Variants in TRIM44 observed in about 807,000 individuals in gnomAD.
The protein encoded by TRIM44 is tripartite motif containing 44.
Under a neutral mutation model 37.4 loss-of-function variants are expected in TRIM44, and 13 were observed. The ratio of observed to expected loss-of-function variants is 0.35; its 90% confidence interval spans 0.23 to 0.55. The LOEUF (loss-of-function observed/expected upper bound fraction) is 0.55, where lower values mean the gene tolerates loss of function less well. Among genes scored for constraint, TRIM44 ranks in the 20% least tolerant of loss-of-function variants. TRIM44 has a pLI of 0.89. For missense variants in TRIM44, 426 were observed against 437.2 expected, an observed-to-expected ratio of 0.97 and a Z score of 0.23; for synonymous variants, 175 against 157.2, an observed-to-expected ratio of 1.11 and a Z score of -0.85.
chr11:35,680,915 GT>G (rs1235486180), intron 1 of TRIM44, among the ~76,000 whole-genome samples: 2 of 151,594 alleles, frequency 1.3e-5, no homozygotes, highest in African/African-American at 4.9e-5. Context: ...TTAAGACAGG[GT>G]CTCGTTTGTT....
chr11:35,667,311 A>T (rs1851343254), intron 1 of TRIM44, among the ~76,000 whole-genome samples: 1 of 152,208 alleles, frequency 6.6e-6, no homozygotes, highest in African/African-American at 2.4e-5. Context: ...TCAGTGATAC[A>T]TTCATATACC....
intron 1 of TRIM44, among the ~76,000 whole-genome samples, chr11:35,675,392 C>G (rs1436127736): frequency 6.6e-6 from 1 of 152,162 alleles, no homozygotes; most frequent in Admixed American, 6.5e-5. Context: ...TGTAGGCAGT[C>G]TAAGGTTGGC....
At position 35,708,864 on chromosome 11, in the gene TRIM44, A is replaced by T. The variant is rs74826584; in HGVS notation, c.748-17060A>T. Among the ~76,000 whole-genome samples, 2,107 of 152,188 alleles carry T rather than the reference A, an allele frequency of 0.014. 118 individuals are homozygous for T. In the East Asian group the frequency reaches 0.14, roughly 10 times the overall value. ...CAGCATGGCACATGTATACAACTGT[A>T]ACTAACCTGCACATTGTGCACATGT... On this transcript the variant is annotated intron_variant, in intron 2 of 4. Transcript: ENST00000299413.
chr11:35,708,806 A>T (rs1851925536), intron 2 of TRIM44, among the ~76,000 whole-genome samples: 1 of 152,064 alleles, frequency 6.6e-6, no homozygotes, highest in Non-Finnish European at 1.5e-5. Flanking sequence ...GATATACCTA[A>T]TGCTAAATGA....
intron 4 of TRIM44, among the ~76,000 whole-genome samples, chr11:35,786,424 CTTCTT>C (rs1165078213): frequency 2.6e-5 from 4 of 152,184 alleles, no homozygotes; most frequent in South Asian, 2.1e-4. Flanking sequence ...TAGGTTGACT[CTTCTT>C]TTAACCAGGT....
At chr11:35,775,604 G>A (rs901580057) in intron 4 of TRIM44, among the ~76,000 whole-genome samples, 1 of 152,158 alleles carries the variant, frequency 6.6e-6, no homozygotes, top group East Asian at 1.9e-4. Flanking sequence ...TTGGCTGTGG[G>A]TTTGTGATAA....
At position 35,796,851 on chromosome 11, in the gene TRIM44, C is replaced by T. The variant is rs369638822; in HGVS notation, c.1008-9507C>T. ...AAGAGATGGAACAGATAGACCCATACATGCATATATATGCACACACTGTAT... is the reference window on the plus strand; with the variant it reads ...AAGAGATGGAACAGATAGACCCATATATGCATATATATGCACACACTGTAT... On this transcript the variant is annotated intron_variant, in intron 4 of 4. Transcript: ENST00000299413. Among the ~76,000 whole-genome samples the T allele has an allele frequency of 2.0e-5, 3 of 152,342 alleles. No homozygotes were observed. The East Asian group carries it at 5.8e-4, about 29-fold the overall frequency.
In TRIM44 at chr11:35,676,459, G is replaced by C. The variant is rs543356875; in HGVS notation, c.670-8800G>C. 2.0e-5 allele frequency among the ~76,000 whole-genome samples: 3 copies of C among 152,280 alleles called. No homozygotes were observed. In the South Asian group the frequency reaches 6.2e-4, roughly 32 times the overall value. The stretch of plus-strand genomic sequence containing the variant: ...GAGAAAAACTTGTCTTTGGAGAAGA[G>C]GCTTCTGTATATTTCAGTGTCCTGC... On this transcript the variant is annotated intron_variant, in intron 1 of 4. Transcript: ENST00000299413.
At chr11:35,699,682 A>T (rs1851757103) in intron 2 of TRIM44, among the ~76,000 whole-genome samples, 1 of 151,750 alleles carries the variant, frequency 6.6e-6, no homozygotes, top group Non-Finnish European at 1.5e-5. Context: ...TGCAGATGAC[A>T]TGATTGTATA....
At position 35,772,844 on chromosome 11, in the gene TRIM44, CT is replaced by C. The variant is rs557929769; in HGVS notation, c.1008-33511del. ...GCGTTAATGCTGAAATAAGTTAAGA[CT>C]TTGGGGGACTGTTGGGAAGGCATGA... On this transcript the variant is annotated intron_variant, in intron 4 of 4. Coordinates refer to ENST00000299413, the MANE Select transcript of TRIM44 (RefSeq NM_017583.6). 9.2e-5 allele frequency among the ~76,000 whole-genome samples: 14 copies of C among 152,220 alleles called. No homozygotes were observed. The East Asian group carries it at 2.7e-3, about 29-fold the overall frequency.
Position 35,685,418 on chromosome 11 carries a change from A to T in TRIM44, c.747+82A>T. Reference sequence around the variant, plus strand: ...GAGCTAAAATTGTGAGGTGTTGATGATCATCTCTCTGAATATTGCATTAAG... The same window carrying T: ...GAGCTAAAATTGTGAGGTGTTGATGTTCATCTCTCTGAATATTGCATTAAG... On this transcript the variant is annotated intron_variant, in intron 2 of 4. Coordinates refer to ENST00000299413, the MANE Select transcript of TRIM44 (RefSeq NM_017583.6). 3.5e-6 allele frequency: 4 copies of T among 1,157,336 alleles called. No individual in the cohort carries two copies. The South Asian group carries it at 5.1e-5, about 15-fold the overall frequency. The allele number at this position is 1,157,336 out of a possible 1,614,324, so 71.7% of individuals were successfully genotyped here. A position where few individuals can be genotyped will look rare whatever the true frequency, so the allele number is the denominator to read the frequency against.
intron 4 of TRIM44, among the ~76,000 whole-genome samples, chr11:35,762,432 G>C (rs771004059): frequency 6.6e-6 from 1 of 152,176 alleles, no homozygotes; most frequent in Non-Finnish European, 1.5e-5. Context: ...TCACTCCAGA[G>C]TTCTGACTCC....
chr11:35,774,666 A>G (rs1852926729), intron 4 of TRIM44, among the ~76,000 whole-genome samples: 1 of 152,248 alleles, frequency 6.6e-6, no homozygotes, highest in African/African-American at 2.4e-5. Flanking sequence ...GAAGGGATCC[A>G]GCTTCAGCTT....
rs2135478525 is a variant in TRIM44 at position 35,662,912 on chromosome 11, G to A, written c.-200G>A. The A allele has an allele frequency of 2.3e-6, 2 of 879,832 alleles. No individual in the cohort carries two copies. The highest frequency in any genetic ancestry group is 1.6e-6 in the Non-Finnish European group (1 of 643,612). The allele number at this position is 879,832 out of a possible 1,614,324, so 54.5% of individuals were successfully genotyped here. A position where few individuals can be genotyped will look rare whatever the true frequency, so the allele number is the denominator to read the frequency against. On this transcript the variant is annotated 5_prime_UTR_variant, in exon 1 of 5. Transcript: ENST00000299413. ...GCGCAGGGACAGAGCGGAGCAGGCC[G>A]AGCCGGCGGAAAGGGTCTTTGCTGC... is the stretch of plus-strand genomic sequence containing the variant.
Position 35,809,241 on chromosome 11 carries a change from G to A in TRIM44, c.*2856G>A, listed in dbSNP as rs1853497969. 6.6e-6 allele frequency: 1 copy of A among 152,186 alleles called. No homozygotes were observed. Among genetic ancestry groups the A allele is most frequent in the South Asian group, 2.1e-4 (1 of 4,828 alleles). The allele number at this position is 152,186 out of a possible 1,614,324, so 9.4% of individuals were successfully genotyped here. A position where few individuals can be genotyped will look rare whatever the true frequency, so the allele number is the denominator to read the frequency against. ...ATAATAAAACAGATGGGGAGTGGAA[G>A]AGTCATTTGCTTCAAGTTATACAGC... On this transcript the variant is annotated 3_prime_UTR_variant, in exon 5 of 5. Transcript: ENST00000299413.
At chr11:35,759,365 A>G (rs1852692333) in intron 4 of TRIM44, among the ~76,000 whole-genome samples, 2 of 136,268 alleles carry the variant, frequency 1.5e-5, no homozygotes, top group Admixed American at 7.2e-5. Context: ...TCCTTTAAGG[A>G]CCTCTCTGCA....
At chr11:35,772,021 C>T (rs1452728717) in intron 4 of TRIM44, among the ~76,000 whole-genome samples, 2 of 152,102 alleles carry the variant, frequency 1.3e-5, no homozygotes, top group Admixed American at 6.5e-5. Flanking sequence ...TGTGTGCAGC[C>T]TAGGAACTTG....
Position 35,663,476 on chromosome 11 carries a change from A to G in TRIM44, c.365A>G (p.Asp122Gly). ...ETEEESEDES[D>G]EESEEDSEEE... ...GAGGAAGAGAGTGAGGATGAGAGCG[A>G]TGAGGAGAGTGAAGAAGACAGCGAG... The change falls in exon 1 of 5, where the codon GAT becomes GGT. Residue 122 changes from aspartate (D) to glycine (G), a missense_variant. This residue lies in a region of TRIM44 where 331 missense variants were observed against 303.0 expected (regional missense o/e 1.09). Transcript: ENST00000299413. The G allele has an allele frequency of 6.4e-7, 1 of 1,568,720 alleles. No homozygotes were observed. The highest frequency in any genetic ancestry group is 8.6e-7 in the Non-Finnish European group (1 of 1,156,242).
rs1265428757 is a variant in TRIM44, at chr11:35,815,375, A to G, written c.*8990A>G. 6.6e-6 allele frequency: 1 copy of G among 152,202 alleles called. No homozygotes were observed. The highest frequency in any genetic ancestry group is 1.9e-4 in the East Asian group (1 of 5,198). The allele number at this position is 152,202 out of a possible 1,614,324, so 9.4% of individuals were successfully genotyped here. On this transcript the variant is annotated 3_prime_UTR_variant, in exon 5 of 5. Transcript: ENST00000299413. Reference sequence around the variant, plus strand: ...TGAAATTCAGCTTCTAAGTAGGAAGAACTATGATAGAGGAACAAGATTGCT... The same window carrying G: ...TGAAATTCAGCTTCTAAGTAGGAAGGACTATGATAGAGGAACAAGATTGCT...
Sources: gnomAD v4.1 joint callset for allele counts (sites outside exome capture counted in the v4.1 genomes callset) on GRCh38, gnomAD v4.1.1 for gene constraint, gnomAD v4.1.1 regional missense constraint, MANE v1.5 for transcripts, NCBI Gene and HGNC (gene_info 2026-07-23, HGNC 2026-07-21) for gene names.